CDH18: variants seen among roughly 807,000 people sequenced by gnomAD.
The protein encoded by CDH18 is cadherin-18.
In CDH18, 31 loss-of-function variants were observed where a neutral mutation model predicts 67.9. The observed-to-expected ratio is 0.46, with a 90% confidence interval of 0.34 to 0.62. CDH18 has a LOEUF of 0.62. Ranked by LOEUF, CDH18 falls within the 20% of genes least tolerant of loss-of-function variation. The pLI is 0.01. For missense variants in CDH18, 890 were observed against 975.5 expected (o/e 0.91, Z 1.17); for synonymous variants, 362 against 347.2 (o/e 1.04, Z -0.48).
intron 7 of CDH18, among the ~76,000 whole-genome samples, chr5:19,579,851 A>G (rs558790397): frequency 6.6e-6 from 1 of 151,922 alleles, no homozygotes; most frequent in African/African-American, 2.4e-5. Context: ...ACCCACAAGT[A>G]TTTCTTGGTA....
chr5:19,511,842 C>T (rs762735630), intron 10 of CDH18, among the ~76,000 whole-genome samples: 47 of 152,232 alleles, frequency 3.1e-4, no homozygotes, highest in Non-Finnish European at 5.4e-4. Flanking sequence ...ATAAAAAAGA[C>T]AAAACCATTT....
chr5:19,747,926 G>A (rs1476859263), intron 3 of CDH18, among the ~76,000 whole-genome samples: 1 of 150,758 alleles, frequency 6.6e-6, no homozygotes, highest in Admixed American at 6.6e-5. Context: ...GGCTAACACG[G>A]TGAAACTCCG....
intron 7 of CDH18, among the ~76,000 whole-genome samples, chr5:19,581,658 C>A (rs184662309): frequency 2.2e-4 from 33 of 152,046 alleles, no homozygotes; most frequent in Admixed American, 1.6e-3. Flanking sequence ...GATTTTAGTT[C>A]CAAGATTGGG....
chr5:19,638,620 CA>C (rs1753512461), intron 5 of CDH18, among the ~76,000 whole-genome samples: 2 of 151,036 alleles, frequency 1.3e-5, no homozygotes, highest in Admixed American at 1.3e-4. Flanking sequence ...GTGGTATCAG[CA>C]AGTGGAACAG....
chr5:20,516,457 A>G (rs1755377050), intron 1 of CDH18, among the ~76,000 whole-genome samples: 1 of 151,984 alleles, frequency 6.6e-6, no homozygotes, highest in Non-Finnish European at 1.5e-5. Flanking sequence ...ACTAAGAAAA[A>G]TAATTTTAAT....
At chr5:19,490,145 A>C (rs1041391139) in intron 11 of CDH18, among the ~76,000 whole-genome samples, 2 of 151,956 alleles carry the variant, frequency 1.3e-5, no homozygotes, top group Non-Finnish European at 1.5e-5. Flanking sequence ...CACTAAAAAA[A>C]AATTGTAAGC....
intron 2 of CDH18, among the ~76,000 whole-genome samples, chr5:20,230,541 G>A (rs1741983922): frequency 6.6e-6 from 1 of 152,002 alleles, no homozygotes; most frequent in African/African-American, 2.4e-5. Context: ...GTTAATTGAT[G>A]ACCATCTTGA....
At chr5:19,728,090 T>C (rs1377456917) in intron 4 of CDH18, among the ~76,000 whole-genome samples, 4 of 152,128 alleles carry the variant, frequency 2.6e-5, no homozygotes, top group Non-Finnish European at 5.9e-5. Context: ...AAATATATAT[T>C]GTCTAAAATT....
chr5:19,621,454 T>C (rs1750680300), intron 5 of CDH18, among the ~76,000 whole-genome samples: 1 of 152,130 alleles, frequency 6.6e-6, no homozygotes, highest in African/African-American at 2.4e-5. Flanking sequence ...TATCTTTTTA[T>C]ATACCTGTTG....
intron 2 of CDH18, among the ~76,000 whole-genome samples, chr5:20,143,129 G>A (rs1750374685): frequency 6.6e-6 from 1 of 152,212 alleles, no homozygotes; most frequent in South Asian, 2.1e-4. Context: ...AAGAAAAGAG[G>A]AAAGGTACAA....
At chr5:19,927,605 T>C (rs1366016459) in intron 2 of CDH18, among the ~76,000 whole-genome samples, 1 of 152,198 alleles carries the variant, frequency 6.6e-6, no homozygotes, top group Non-Finnish European at 1.5e-5. Flanking sequence ...ATTATTATGA[T>C]GTATATTATT....
chr5:19,514,248 A>T (rs1034134600), intron 10 of CDH18, among the ~76,000 whole-genome samples: 1 of 152,144 alleles, frequency 6.6e-6, no homozygotes, highest in Non-Finnish European at 1.5e-5. Context: ...TCTATCATTG[A>T]TGGACATTTG....
At chr5:19,505,109 A>G (rs1019141038) in intron 10 of CDH18, among the ~76,000 whole-genome samples, 1 of 152,126 alleles carries the variant, frequency 6.6e-6, no homozygotes, top group Non-Finnish European at 1.5e-5. Context: ...GAAAGCTCAC[A>G]TATGACAATC....
In CDH18 at chr5:19,475,865, C is replaced by T. The variant is rs991500385; in HGVS notation, c.1883-2149G>A. On this transcript the variant is annotated intron_variant, in intron 12 of 12. Coordinates refer to ENST00000382275, the MANE Select transcript of CDH18 (RefSeq NM_004934.5). ...AACTCTGATAAAGAACATACTTTCC[C>T]CCCAGAAACTGCCCTTTTACTGCTT... is the stretch of plus-strand genomic sequence containing the variant. Among the ~76,000 whole-genome samples, 9 of 151,944 alleles carry T rather than the reference C, an allele frequency of 5.9e-5. No individual in the cohort carries two copies. In the East Asian group the frequency reaches 1.7e-3, roughly 29 times the overall value.
intron 2 of CDH18, among the ~76,000 whole-genome samples, chr5:20,091,928 G>A (rs544404254): frequency 2.0e-5 from 3 of 152,224 alleles, no homozygotes; most frequent in African/African-American, 7.2e-5. Context: ...TAGTAAAGCT[G>A]GGAGGACCTT....
intron 5 of CDH18, among the ~76,000 whole-genome samples, chr5:19,621,571 A>T (rs1213248724): frequency 6.6e-6 from 1 of 152,208 alleles, no homozygotes; most frequent in Non-Finnish European, 1.5e-5. Context: ...ATAAGCCAGT[A>T]ACAGAACAAA....
rs185609409 is a variant in CDH18 at position 19,728,691 on chromosome 5, C to T, written c.524-7225G>A. ...ACCAAGCAAATACTCTCTGAGACTG[C>T]AAATTGTTATGCATGACTTGTCAGG... On this transcript the variant is annotated intron_variant, in intron 4 of 12. Coordinates refer to ENST00000382275, the MANE Select transcript of CDH18 (RefSeq NM_004934.5). Among the ~76,000 whole-genome samples the T allele has an allele frequency of 3.1e-4, 47 of 152,224 alleles. No individual in the cohort carries two copies. The East Asian group carries it at 6.0e-3, about 19-fold the overall frequency.
chr5:20,148,647 T>A (rs968618069), intron 2 of CDH18, among the ~76,000 whole-genome samples: 1 of 152,168 alleles, frequency 6.6e-6, no homozygotes, highest in African/African-American at 2.4e-5. Context: ...GAACTGAGTT[T>A]CTAAACTTAA....
intron 2 of CDH18, among the ~76,000 whole-genome samples, chr5:19,875,725 T>C (rs1443729908): frequency 6.6e-6 from 1 of 152,078 alleles, no homozygotes; most frequent in Non-Finnish European, 1.5e-5. Flanking sequence ...GTTTACTTTT[T>C]CCTTAATTTT....
Sources: allele counts gnomAD v4.1 joint callset (sites outside exome capture counted in the v4.1 genomes callset), GRCh38; gene constraint gnomAD v4.1.1; transcripts MANE v1.5; gene names NCBI Gene and HGNC (gene_info 2026-07-23, HGNC 2026-07-21).